The following CDH26 variants were observed in gnomAD, a reference collection of about 807,000 sequenced individuals.
CDH26 encodes cadherin-like protein 26.
CDH26 carries 83 observed loss-of-function variants against 90.3 expected under a neutral mutation model. The ratio of observed to expected loss-of-function variants is 0.92; its 90% CI spans 0.77 to 1.10. The LOEUF (loss-of-function observed/expected upper bound fraction) is 1.10, where lower values mean the gene tolerates loss of function less well. Ranked by LOEUF, CDH26 falls within the 50% of genes least tolerant of loss-of-function variation. The pLI is 0.00. For missense variants in CDH26, 1,013 were observed against 1,037.6 expected, an observed-to-expected ratio of 0.98 and a Z score of 0.33; for synonymous variants, 397 against 396.3, an observed-to-expected ratio of 1.00 and a Z score of -0.02.
intron 7 of CDH26, among the ~76,000 whole-genome samples, chr20:59,987,208 G>A (rs1356453124): frequency 1.3e-5 from 2 of 152,114 alleles, no homozygotes; most frequent in African/African-American, 2.4e-5. Context: ...ATTATTTAGC[G>A]AGTCACAGGT....
chr20:60,027,089 G>A (rs2062003680), intron 7 of CDH26, among the ~76,000 whole-genome samples: 1 of 152,116 alleles, frequency 6.6e-6, no homozygotes, highest in Non-Finnish European at 1.5e-5. Context: ...GAGGGTAGGG[G>A]CAGTAGGTGG....
chr20:59,982,994 C>T lies in CDH26; in HGVS notation c.465C>T (p.Ile155=), dbSNP rs777276658. ...VDTSLIFNIR[I]SDVNDHAPQF... ...CATCCTTGATTTTCAACATTAGGAT[C>T]AGTGATGTGAATGATCATGCACCCC... The change falls in exon 5 of 18, where the codon ATC becomes ATT. Residue 155 remains isoleucine (I), a synonymous_variant. Coordinates refer to ENST00000348616, the MANE Select transcript of CDH26 (RefSeq NM_177980.4). 1.9e-6 allele frequency: 3 copies of T among 1,613,984 alleles called. No individual in the cohort carries two copies. Among genetic ancestry groups the T allele is most frequent in the Non-Finnish European group, 2.5e-6 (3 of 1,179,950 alleles).
In CDH26 at chr20:60,001,244, A is replaced by G. The variant is rs1037580377; in HGVS notation, c.2098-99A>G. 6.3e-6 allele frequency: 9 copies of G among 1,422,808 alleles called. No individual in the cohort carries two copies. The Admixed American group carries it at 1.4e-4, about 22-fold the overall frequency. 88.1% of individuals were successfully genotyped at this position (1,422,808 alleles called of 1,614,324 possible). Reference sequence around the variant, plus strand: ...TTAATTTGTGTTTGCCTATGAATATATGAGCAAGGGGAAGTGGTGAGAGGT... The same window carrying G: ...TTAATTTGTGTTTGCCTATGAATATGTGAGCAAGGGGAAGTGGTGAGAGGT... On this transcript the variant is annotated intron_variant, in intron 14 of 17. Transcript: ENST00000348616.
downstream of CDH26, among the ~76,000 whole-genome samples, chr20:60,016,824 A>T (rs1327095284): frequency 2.0e-5 from 3 of 152,016 alleles, no homozygotes; most frequent in Non-Finnish European, 4.4e-5. Context: ...ATTTCTCATG[A>T]AAGGATACTG....
chr20:59,996,028 T>A lies in CDH26; in HGVS notation c.1862T>A (p.Val621Asp). The change falls in exon 12 of 18, where the codon GTC becomes GAC. Residue 621 changes from valine (V) to aspartate (D), a missense_variant. Coordinates refer to ENST00000348616, the MANE Select transcript of CDH26 (RefSeq NM_177980.4). ...VGLHVGALFP[V>D]CAAFVALAVA... is the part of the protein sequence containing the mutation. The stretch of plus-strand genomic sequence containing the variant: ...CTTCATGTGGGGGCCCTGTTCCCTG[T>A]CTGTGCAGCATTTGTGGCTCTGGCA... 1 of 1,613,660 alleles carries A rather than the reference T, an allele frequency of 6.2e-7. No individual in the cohort carries two copies.
intron 7 of CDH26, among the ~76,000 whole-genome samples, chr20:60,020,850 G>A (rs2061946186): frequency 6.6e-6 from 1 of 152,200 alleles, no homozygotes; most frequent in African/African-American, 2.4e-5. Flanking sequence ...GACTGTGGGA[G>A]TCTTGTATGT....
At chr20:60,021,387 T>A (rs1044507404) in intron 7 of CDH26, among the ~76,000 whole-genome samples, 8 of 152,186 alleles carry the variant, frequency 5.3e-5, no homozygotes, top group Non-Finnish European at 2.9e-5. Flanking sequence ...GCTGAGTAAT[T>A]GCAACAGAGA....
chr20:59,967,906 TTC>T (rs2061185678), intron 1 of CDH26, among the ~76,000 whole-genome samples: 1 of 100,322 alleles, frequency 1.0e-5, no homozygotes, highest in African/African-American at 5.8e-5. Flanking sequence ...CCTTCCTTCC[TTC>T]CTTTCCTTTC....
chr20:60,018,503 A>G (rs536087725), downstream of CDH26, among the ~76,000 whole-genome samples: 8 of 151,916 alleles, frequency 5.3e-5, no homozygotes, highest in East Asian at 1.5e-3. Flanking sequence ...TTTACAGGTG[A>G]TGTGAGTTTC....
intron 1 of CDH26, 39 bp downstream of exon 1, chr20:59,958,834 A>C (rs1003405528): frequency 6.3e-7 from 1 of 1,594,476 alleles, no homozygotes; most frequent in African/African-American, 1.3e-5. Context: ...GGTGCAGGGA[A>C]CTGAAAGCAA....
At chr20:60,027,016 G>A (rs1298490178) in intron 7 of CDH26, among the ~76,000 whole-genome samples, 1 of 152,178 alleles carries the variant, frequency 6.6e-6, no homozygotes, top group Non-Finnish European at 1.5e-5. Flanking sequence ...GAGAAGACAC[G>A]AGGGGCCACA....
intron 14 of CDH26, among the ~76,000 whole-genome samples, chr20:60,000,697 C>T (rs1278009153): frequency 6.6e-6 from 1 of 152,168 alleles, no homozygotes; most frequent in African/African-American, 2.4e-5. Context: ...CCAAAGCCTC[C>T]ACCTTCTAGG....
intron 17 of CDH26, among the ~76,000 whole-genome samples, chr20:60,011,002 A>G (rs2061831005): frequency 6.6e-6 from 1 of 152,204 alleles, no homozygotes; most frequent in Non-Finnish European, 1.5e-5. Context: ...TCACGTAGCC[A>G]CATCTAGCAG....
rs778868588 is a variant in CDH26 at position 60,002,861 on chromosome 20, A to G, written c.2215A>G (p.Thr739Ala). The G allele has an allele frequency of 1.4e-5, 22 of 1,590,680 alleles. No homozygotes were observed. The Admixed American group carries it at 3.2e-4, about 23-fold the overall frequency. The change falls in exon 16 of 18, where the codon ACT becomes GCT. Residue 739 changes from threonine (T) to alanine (A), a missense_variant. Coordinates refer to ENST00000348616, the MANE Select transcript of CDH26 (RefSeq NM_177980.4). Reference sequence around the variant, plus strand: ...AAGAAGTGTGAAAAACATACACTCTACTCCTGTAAGTATAGATGTAGGTGT... The same window carrying G: ...AAGAAGTGTGAAAAACATACACTCTGCTCCTGTAAGTATAGATGTAGGTGT... The part of the protein sequence containing the change: ...EPRSVKNIHS[T>A]PAYPDATMHR...
Position 60,030,167 on chromosome 20 carries a change from C to T in CDH26, c.948-1064C>T, listed in dbSNP as rs761092153. The stretch of plus-strand genomic sequence containing the variant: ...AATCTGATATGATAGTATACCATCA[C>T]CAGAATCAAGTTTTGTGGAGCTCTG... On this transcript the variant is annotated intron_variant, in intron 7 of 8. Transcript: ENST00000370991. The surrounding 1 kb of genome is among the most constrained non-coding windows in gnomAD (Gnocchi z 4.0). 1.3e-5 allele frequency among the ~76,000 whole-genome samples: 2 copies of T among 152,164 alleles called. No individual in the cohort carries two copies. Among genetic ancestry groups the T allele is most frequent in the Non-Finnish European group, 2.9e-5 (2 of 68,032 alleles).
chr20:60,018,954 T>C (rs2061930529), downstream of CDH26, among the ~76,000 whole-genome samples: 1 of 152,060 alleles, frequency 6.6e-6, no homozygotes, highest in African/African-American at 2.4e-5. Context: ...ATTTTACTTT[T>C]TCATTTCTGA....
At chr20:59,980,763 A>G (rs1020692545) in intron 4 of CDH26, among the ~76,000 whole-genome samples, 6 of 152,176 alleles carry the variant, frequency 3.9e-5, no homozygotes, top group African/African-American at 1.2e-4. Flanking sequence ...AAGTTATTAC[A>G]TTTTGATAAA....
rs1457093062 is a variant in CDH26, at chr20:60,030,263, C to A, written c.948-968C>A. 6.6e-6 allele frequency among the ~76,000 whole-genome samples: 1 copy of A among 152,170 alleles called. No individual in the cohort carries two copies. On this transcript the variant is annotated intron_variant, in intron 7 of 8. Coordinates refer to the CDH26 transcript ENST00000370991. The surrounding 1 kb of genome is among the most constrained non-coding windows in gnomAD (Gnocchi z 4.0). Reference sequence around the variant, plus strand: ...TTGAAAAATTGAGGATTCATTTTGACTGGAGGGTTTTCCACCTGAGTTCTC... The same window carrying A: ...TTGAAAAATTGAGGATTCATTTTGAATGGAGGGTTTTCCACCTGAGTTCTC...
rs1478884896 is a variant in CDH26 at position 60,030,057 on chromosome 20, T to C, written c.948-1174T>C. On this transcript the variant is annotated intron_variant, in intron 7 of 8. Transcript: ENST00000370991. The surrounding 1 kb of genome is among the most constrained non-coding windows in gnomAD (Gnocchi z 4.0). Reference sequence around the variant, plus strand: ...GAAAGAAAGTGAACTGGGGATCCCTTCTGCCACCTTCCCCCACAACCCCTG... The same window carrying C: ...GAAAGAAAGTGAACTGGGGATCCCTCCTGCCACCTTCCCCCACAACCCCTG... Among the ~76,000 whole-genome samples, 1 of 152,160 alleles carries C rather than the reference T, an allele frequency of 6.6e-6. No homozygotes were observed. The highest frequency in any genetic ancestry group is 2.4e-5 in the African/African-American group (1 of 41,426).
Sources: gnomAD v4.1 joint callset for allele counts (sites outside exome capture counted in the v4.1 genomes callset) on GRCh38, gnomAD v4.1.1 for gene constraint, Gnocchi (gnomAD v3.1) non-coding constraint, MANE v1.5 for transcripts, NCBI Gene and HGNC (gene_info 2026-07-23, HGNC 2026-07-21) for gene names.